The following TTC28 variants were observed in gnomAD, a reference collection of about 807,000 sequenced individuals.
TTC28 encodes tetratricopeptide repeat domain 28, also known as tetratricopeptide repeat protein 28.
A neutral mutation model predicts 198.0 loss-of-function variants in TTC28; 61 were observed. The observed-to-expected ratio is 0.31, with a 90% CI of 0.25 to 0.38. The LOEUF (loss-of-function observed/expected upper bound fraction) is 0.38, where lower values mean the gene tolerates loss of function less well. TTC28 is among the 10% of genes least tolerant of loss of function. The probability of loss-of-function intolerance (pLI) is 1.00; values close to 1 mark genes in which losing one functional copy is unlikely to be tolerated. For synonymous variants in TTC28, 1,171 were observed against 1,297.8 expected (o/e 0.90, Z 2.10); for missense variants, 2,678 against 3,164.0 (o/e 0.85, Z 3.69).
intron 1 of TTC28, among the ~76,000 whole-genome samples, chr22:28,641,442 T>C (rs1442373481): frequency 6.6e-6 from 1 of 152,208 alleles, no homozygotes; most frequent in Non-Finnish European, 1.5e-5. Context: ...ATTCAATTTA[T>C]TAAATCTCCA....
chr22:28,417,870 T>C (rs2047191101), intron 2 of TTC28, among the ~76,000 whole-genome samples: 1 of 152,222 alleles, frequency 6.6e-6, no homozygotes. Context: ...CAGCAATTAC[T>C]GTGGCTTTGA....
chr22:27,982,945 G>A lies in TTC28; in HGVS notation c.6722C>T (p.Ser2241Phe). 1 of 1,551,714 alleles carries A rather than the reference G, an allele frequency of 6.4e-7. No homozygotes were observed. The highest frequency in any genetic ancestry group is 8.7e-7 in the Non-Finnish European group (1 of 1,147,006). ...ATATCCGGAACTCACCTTGGGCAGG[G>A]AGGAGCTCCTGGCTGGGGGCTTTGG... ...VKPKPPARSS[S>F]LPKVSSGYSS... The change falls in exon 23 of 23, where the codon TCC becomes TTC. Residue 2241 changes from serine (S) to phenylalanine (F), a missense_variant. By Grantham distance (155) the Ser-to-Phe change is radical (BLOSUM62 -2). Coordinates refer to ENST00000397906, the MANE Select transcript of TTC28 (RefSeq NM_001145418.2). This position sits in a 1 kb window ranked among gnomAD's most constrained non-coding sequence, Gnocchi z 5.2.
At chr22:27,985,486 G>A (rs1197123048) in intron 21 of TTC28, 130 bp from the exon 22 acceptor site, 1 of 697,054 alleles carries the variant, frequency 1.4e-6, no homozygotes, top group Non-Finnish European at 2.4e-6. Context: ...ATTTGGGCCT[G>A]GGGCTTCCCC....
chr22:28,100,873 T>A (rs896559056), intron 9 of TTC28, among the ~76,000 whole-genome samples: 6 of 152,272 alleles, frequency 3.9e-5, no homozygotes, highest in Non-Finnish European at 7.3e-5. Context: ...AATTTAATTA[T>A]GAATTTTTGT....
chr22:27,979,820 C>T lies in TTC28; in HGVS notation c.*2401G>A, dbSNP rs1262095659. The T allele has an allele frequency of 6.6e-6, 1 of 152,230 alleles. No homozygotes were observed. Among genetic ancestry groups the T allele is most frequent in the African/African-American group, 2.4e-5 (1 of 41,458 alleles). 9.4% of individuals were successfully genotyped at this position (152,230 alleles called of 1,614,324 possible). The stretch of plus-strand genomic sequence containing the variant: ...TACACGTAAAGTGGCGGTGACTTTA[C>T]AGTGGCCTCTAGACTGTTCTATCAT... On this transcript the variant is annotated 3_prime_UTR_variant, in exon 23 of 23. Coordinates refer to ENST00000397906, the MANE Select transcript of TTC28 (RefSeq NM_001145418.2).
chr22:28,126,293 G>A (rs1203369536), intron 6 of TTC28, among the ~76,000 whole-genome samples: 1 of 152,118 alleles, frequency 6.6e-6, no homozygotes, highest in Non-Finnish European at 1.5e-5. Flanking sequence ...CATCACAAAC[G>A]TAACTATGGC....
intron 6 of TTC28, among the ~76,000 whole-genome samples, chr22:28,130,039 C>T (rs759196217): frequency 5.6e-4 from 86 of 152,256 alleles, no homozygotes; most frequent in Non-Finnish European, 1.1e-3. Context: ...TGGGAAATAC[C>T]ACCATATTAC....
intron 2 of TTC28, among the ~76,000 whole-genome samples, chr22:28,358,458 T>C (rs1327938870): frequency 6.6e-6 from 1 of 152,230 alleles, no homozygotes; most frequent in Non-Finnish European, 1.5e-5. Flanking sequence ...AATTTCTAAA[T>C]GTCAGTTTGA....
chr22:28,651,319 T>TTTTTTTTTTTTTTTTTG (rs2051560439), intron 1 of TTC28, among the ~76,000 whole-genome samples: 1 of 151,628 alleles, frequency 6.6e-6, no homozygotes, highest in African/African-American at 2.4e-5. Flanking sequence ...TCCTTTTTTT[T>TTTTTTTTTTTTTTTTTG]GAGACAGGGT....
intron 12 of TTC28, among the ~76,000 whole-genome samples, chr22:28,062,692 T>C (rs1453268160): frequency 1.3e-5 from 2 of 152,132 alleles, no homozygotes; most frequent in Non-Finnish European, 2.9e-5. Context: ...ATTTCCTTTA[T>C]GTTGTTAAGC....
intron 2 of TTC28, among the ~76,000 whole-genome samples, chr22:28,347,280 A>AC (rs1308473084): frequency 6.6e-6 from 1 of 151,530 alleles, no homozygotes; most frequent in East Asian, 1.9e-4. Flanking sequence ...GGAAAAAAAA[A>AC]AAAAACAAAA....
intron 5 of TTC28, among the ~76,000 whole-genome samples, chr22:28,282,857 G>T (rs1450476700): frequency 6.6e-6 from 1 of 152,146 alleles, no homozygotes; most frequent in South Asian, 2.1e-4. Context: ...TGGAAAAGAT[G>T]AAACAGCTGA....
intron 2 of TTC28, among the ~76,000 whole-genome samples, chr22:28,593,286 T>C (rs1273274166): frequency 2.0e-5 from 3 of 152,202 alleles, no homozygotes; most frequent in Non-Finnish European, 4.4e-5. Flanking sequence ...GTAGCTTCTC[T>C]AATTGTCCAA....
At chr22:28,143,128 A>G (rs1413771343) in intron 6 of TTC28, among the ~76,000 whole-genome samples, 1 of 152,198 alleles carries the variant, frequency 6.6e-6, no homozygotes, top group Non-Finnish European at 1.5e-5. Context: ...CAGAGCTGGG[A>G]CTAAAACCCA....
intron 2 of TTC28, among the ~76,000 whole-genome samples, chr22:28,618,420 G>A (rs879270760): frequency 2.0e-5 from 3 of 152,032 alleles, no homozygotes; most frequent in East Asian, 1.9e-4. Flanking sequence ...AGTGGCTCAC[G>A]CCTGTAATCC....
At chr22:28,276,168 C>T (rs968109830) in intron 5 of TTC28, among the ~76,000 whole-genome samples, 3 of 151,924 alleles carry the variant, frequency 2.0e-5, no homozygotes, top group Non-Finnish European at 2.9e-5. Flanking sequence ...TGCACCACGA[C>T]GCCTGGCTAA....
chr22:28,098,258 G>A (rs1334012517), intron 10 of TTC28, among the ~76,000 whole-genome samples: 1 of 152,198 alleles, frequency 6.6e-6, no homozygotes, highest in African/African-American at 2.4e-5. Flanking sequence ...ATGTGTGGAT[G>A]AGGAAATAGA....
At chr22:28,674,817 CA>C (rs34351638) in intron 1 of TTC28, among the ~76,000 whole-genome samples, 55,374 of 96,674 alleles carry the variant, frequency 0.57, 12,041 homozygotes, top group South Asian at 0.7. Context: ...ACTCTGTCTC[CA>C]AAAAAAAAAA....
chr22:28,147,588 C>T (rs1943498626), intron 6 of TTC28, among the ~76,000 whole-genome samples: 1 of 152,162 alleles, frequency 6.6e-6, no homozygotes, highest in African/African-American at 2.4e-5. Flanking sequence ...TTGATTCTGA[C>T]AGCTCTAGGC....
Sources: allele counts gnomAD v4.1 joint callset (sites outside exome capture counted in the v4.1 genomes callset), GRCh38; gene constraint gnomAD v4.1.1; non-coding constraint Gnocchi (gnomAD v3.1); transcripts MANE v1.5; gene names NCBI Gene and HGNC (gene_info 2026-07-23, HGNC 2026-07-21).